Variants in RIMS1 observed in about 807,000 individuals in gnomAD.
RIMS1 encodes the protein regulating synaptic membrane exocytosis protein 1.
RIMS1 carries 83 observed loss-of-function variants against 214.1 expected under a neutral mutation model. The observed-to-expected ratio is 0.39, with a 90% confidence interval of 0.32 to 0.47. The LOEUF is 0.47. Among genes scored for constraint, RIMS1 ranks in the 20% least tolerant of loss-of-function variants. RIMS1 has a pLI of 0.99. For synonymous variants in RIMS1, 793 were observed against 786.8 expected (o/e 1.01, Z -0.13); for missense variants, 2,050 against 2,161.8 (o/e 0.95, Z 1.03).
At chr6:72,345,424 A>C (rs568174585) in intron 29 of RIMS1, among the ~76,000 whole-genome samples, 1 of 150,106 alleles carries the variant, frequency 6.7e-6, no homozygotes, top group African/African-American at 2.4e-5. Context: ...AATTTTTTAC[A>C]TGTGTTAATT....
intron 6 of RIMS1, among the ~76,000 whole-genome samples, chr6:72,198,682 CAAT>C (rs1475269965): frequency 2.0e-5 from 3 of 151,732 alleles, no homozygotes; most frequent in Non-Finnish European, 1.5e-5. Context: ...CATATAGAAA[CAAT>C]AAATACGTGA....
At chr6:72,261,287 T>G (rs1221128641) in intron 19 of RIMS1, 2 of 999,484 alleles carry the variant, frequency 2.0e-6, no homozygotes, top group Non-Finnish European at 2.4e-6. Context: ...TCTTTCTTGA[T>G]GAAAAGTGAA....
chr6:72,377,711 ACAGACATATATT>A (rs1356229888), intron 29 of RIMS1, among the ~76,000 whole-genome samples: 25 of 152,206 alleles, frequency 1.6e-4, no homozygotes, highest in Non-Finnish European at 3.7e-4. Context: ...TTTTATATAT[ACAGACATATATT>A]CATCTTGTTC....
intron 2 of RIMS1, among the ~76,000 whole-genome samples, chr6:72,048,682 T>C (rs921578776): frequency 6.6e-6 from 1 of 152,208 alleles, no homozygotes; most frequent in Non-Finnish European, 1.5e-5. Flanking sequence ...AAAATGTTAA[T>C]GAAAAACGGT....
chr6:72,237,728 A>G, intron 8 of RIMS1, 95 bp from the exon 9 acceptor site: 1 of 886,654 alleles, frequency 1.1e-6, no homozygotes, highest in South Asian at 1.6e-5. Context: ...TGCAATTTCA[A>G]GTGTATCATA....
intron 4 of RIMS1, among the ~76,000 whole-genome samples, chr6:72,143,559 A>G (rs1248259865): frequency 6.6e-6 from 1 of 152,186 alleles, no homozygotes; most frequent in African/African-American, 2.4e-5. Context: ...AAATGTGTGC[A>G]GTATTTCACA....
chr6:72,020,635 G>A (rs766499787), intron 2 of RIMS1, among the ~76,000 whole-genome samples: 2 of 152,102 alleles, frequency 1.3e-5, no homozygotes, highest in African/African-American at 2.4e-5. Flanking sequence ...GTATTTGATG[G>A]TTTGTGGCTG....
chr6:72,297,147 C>T (rs941358684), intron 26 of RIMS1, among the ~76,000 whole-genome samples: 21 of 151,822 alleles, frequency 1.4e-4, no homozygotes, highest in Non-Finnish European at 1.5e-4. Flanking sequence ...TTAGGCAATA[C>T]ATATATTAAT....
rs1810920138 is a variant in RIMS1, at chr6:72,012,187, G to T, written c.245+43124G>T. 2.0e-5 allele frequency among the ~76,000 whole-genome samples: 3 copies of T among 152,262 alleles called. No individual in the cohort carries two copies. The South Asian group carries it at 6.2e-4, about 32-fold the overall frequency. On this transcript the variant is annotated intron_variant, in intron 2 of 33. Transcript: ENST00000521978. ...GAGTTCGTGTCCTTTGTACGGACAT[G>T]GAGGAAGCTGGAAACCATCATTCTC...
At chr6:72,387,629 G>A (rs186969551) in intron 29 of RIMS1, among the ~76,000 whole-genome samples, 1 of 152,320 alleles carries the variant, frequency 6.6e-6, no homozygotes, top group East Asian at 1.9e-4. Flanking sequence ...GTTCCACAAT[G>A]ACAAGTCAAG....
At chr6:72,159,997 C>T (rs149261569) in intron 4 of RIMS1, among the ~76,000 whole-genome samples, 3,802 of 135,816 alleles carry the variant, frequency 0.028, 713 homozygotes, top group Middle Eastern at 0.05. Context: ...GCCATTTTCA[C>T]GATATTGATT....
intron 2 of RIMS1, among the ~76,000 whole-genome samples, chr6:72,064,051 C>T (rs1007109533): frequency 6.6e-6 from 1 of 152,186 alleles, no homozygotes; most frequent in African/African-American, 2.4e-5. Flanking sequence ...GATGTGGTGG[C>T]TCACACCTGT....
At chr6:72,087,802 C>G (rs1042547910) in intron 2 of RIMS1, among the ~76,000 whole-genome samples, 3 of 152,122 alleles carry the variant, frequency 2.0e-5, no homozygotes, top group Non-Finnish European at 4.4e-5. Context: ...GCATATTTAT[C>G]CCACTATAAA....
intron 9 of RIMS1, 55 bp from the exon 10 acceptor site, chr6:72,242,259 C>G: frequency 7.6e-7 from 1 of 1,320,118 alleles, no homozygotes; most frequent in Non-Finnish European, 1.0e-6. Context: ...AGAAAAGATA[C>G]GAAAAATAAA....
In RIMS1 at chr6:72,356,984, C is replaced by A. The variant is rs117973794; in HGVS notation, c.4366+23149C>A. On this transcript the variant is annotated intron_variant, in intron 29 of 33. Coordinates refer to ENST00000521978, the MANE Select transcript of RIMS1 (RefSeq NM_014989.7). Reference sequence around the variant, plus strand: ...AAATTTTAAAGCCAGACATACATATCTGTGGGTGAACAGCAAAGATTTTTT... The same window carrying A: ...AAATTTTAAAGCCAGACATACATATATGTGGGTGAACAGCAAAGATTTTTT... Among the ~76,000 whole-genome samples the A allele has an allele frequency of 4.5e-3, 678 of 152,262 alleles. 2 individuals carry two copies. The highest frequency in any genetic ancestry group is 7.3e-3 in the South Asian group (35 of 4,824).
intron 4 of RIMS1, among the ~76,000 whole-genome samples, chr6:72,153,977 G>A (rs1362547017): frequency 1.3e-5 from 2 of 152,170 alleles, no homozygotes; most frequent in African/African-American, 4.8e-5. Context: ...AGATGCTATT[G>A]AGAACATAAC....
chr6:72,069,546 AT>A (rs1341383369), intron 2 of RIMS1, among the ~76,000 whole-genome samples: 1 of 152,220 alleles, frequency 6.6e-6, no homozygotes, highest in Non-Finnish European at 1.5e-5. Context: ...AAACTGATGC[AT>A]TTGTTTCTGT....
At chr6:71,968,887 C>T in intron 1 of RIMS1, 96 bp from the exon 2 acceptor site, 1 of 1,248,108 alleles carries the variant, frequency 8.0e-7, no homozygotes, top group South Asian at 1.2e-5. Flanking sequence ...CAAAGACTTT[C>T]CCTTAGAGTG....
intron 19 of RIMS1, chr6:72,261,328 C>T: frequency 1.0e-6 from 1 of 989,954 alleles, no homozygotes; most frequent in African/African-American, 1.7e-5. Context: ...CTATCCTAGC[C>T]CACCAGTTGT....
Sources: allele counts gnomAD v4.1 joint callset (sites outside exome capture counted in the v4.1 genomes callset), GRCh38; gene constraint gnomAD v4.1.1; transcripts MANE v1.5; gene names NCBI Gene and HGNC (gene_info 2026-07-23, HGNC 2026-07-21).